Variants in DAB2IP observed in about 807,000 individuals in gnomAD.
DAB2IP encodes disabled homolog 2-interacting protein.
DAB2IP carries 28 observed loss-of-function variants against 107.2 expected under a neutral mutation model. That is an observed-to-expected ratio of 0.26 (90% CI 0.19 to 0.36). The LOEUF is 0.36. Among genes scored for constraint, DAB2IP ranks in the 10% least tolerant of loss-of-function variants. The pLI, the probability that DAB2IP is intolerant of heterozygous loss-of-function variation, is 1.00. For synonymous variants in DAB2IP, 755 were observed against 706.4 expected (o/e 1.07, Z -1.09); for missense variants, 1,400 against 1,644.7 (o/e 0.85, Z 2.57).
At chr9:121,723,827 C>T (rs1053011918) in intron 3 of DAB2IP, among the ~76,000 whole-genome samples, 6 of 152,266 alleles carry the variant, frequency 3.9e-5, no homozygotes, top group Middle Eastern at 3.4e-3. Context: ...TGAGCCCACT[C>T]GGGGTGGAGC....
In DAB2IP at chr9:121,596,579, C is replaced by T. The variant is rs115642455; in HGVS notation, c.40+29351C>T. Among the ~76,000 whole-genome samples the T allele has an allele frequency of 3.7e-3, 570 of 152,228 alleles. 11 individuals are homozygous for T. Among genetic ancestry groups the T allele is most frequent in the African/African-American group, 0.013 (547 of 41,514 alleles). On this transcript the variant is annotated intron_variant, in intron 1 of 16. Transcript: ENST00000259371. ...TGATGTTCTGCAACATGTTCTCCCT[C>T]CCCTTATTTGAGATTTGAGATTCAT...
At chr9:121,665,670 A>G (rs542586996) in intron 1 of DAB2IP, among the ~76,000 whole-genome samples, 3 of 152,360 alleles carry the variant, frequency 2.0e-5, no homozygotes, top group South Asian at 2.1e-4. Flanking sequence ...AAGGTATCCT[A>G]TATTTTTGTG....
chr9:121,762,044 G>C (rs1017183141), intron 6 of DAB2IP, among the ~76,000 whole-genome samples: 1 of 152,156 alleles, frequency 6.6e-6, no homozygotes. Flanking sequence ...GTGGGATTGG[G>C]GAGCAGTAGA....
intron 1 of DAB2IP, among the ~76,000 whole-genome samples, chr9:121,626,795 G>T (rs564119221): frequency 6.6e-6 from 1 of 152,252 alleles, no homozygotes; most frequent in African/African-American, 2.4e-5. Flanking sequence ...AATGACGAAG[G>T]CACAGGAAGA....
intron 3 of DAB2IP, among the ~76,000 whole-genome samples, chr9:121,747,307 C>A (rs141453739): frequency 2.6e-5 from 4 of 151,762 alleles, no homozygotes; most frequent in Non-Finnish European, 5.9e-5. Flanking sequence ...CTGATTTGCC[C>A]ACCACTCACC....
At chr9:121,732,223 A>G (rs1018772493) in intron 3 of DAB2IP, among the ~76,000 whole-genome samples, 1 of 152,226 alleles carries the variant, frequency 6.6e-6, no homozygotes, top group African/African-American at 2.4e-5. Flanking sequence ...CCAAGAAAGA[A>G]AAATGCTGAC....
chr9:121,661,901 G>C (rs1363987380), intron 1 of DAB2IP, among the ~76,000 whole-genome samples: 1 of 151,562 alleles, frequency 6.6e-6, no homozygotes, highest in Non-Finnish European at 1.5e-5. Flanking sequence ...GGATTGCCTG[G>C]GCCAAGGACT....
At chr9:121,737,239 A>T (rs1831995589) in intron 3 of DAB2IP, 1 of 985,218 alleles carries the variant, frequency 1.0e-6, no homozygotes, top group African/African-American at 1.7e-5. Flanking sequence ...GCTGGAAGCG[A>T]TAGTTTGCTT....
At position 121,699,166 on chromosome 9, in the gene DAB2IP, C is replaced by T. The variant is rs1035799250; in HGVS notation, c.229-159C>T. On this transcript the variant is annotated intron_variant, in intron 2 of 15. Transcript: ENST00000408936. The surrounding 1 kb of genome is among the most constrained non-coding windows in gnomAD (Gnocchi z 6.2). ...GGGCCGTCGGCGCTCGGTCGGCGGG[C>T]GGGCGGCGCGGGCCGCGAGCTGCTG... Among the ~76,000 whole-genome samples, 2 of 144,380 alleles carry T rather than the reference C, an allele frequency of 1.4e-5. No individual in the cohort carries two copies. The highest frequency in any genetic ancestry group is 5.0e-5 in the African/African-American group (2 of 40,048). The allele number at this position is 144,380 out of a possible 152,430, so 94.7% of individuals were successfully genotyped here.
intron 3 of DAB2IP, among the ~76,000 whole-genome samples, chr9:121,744,291 G>A (rs931281134): frequency 2.6e-5 from 4 of 152,226 alleles, no homozygotes; most frequent in African/African-American, 9.6e-5. Flanking sequence ...GGGAGACTGG[G>A]AAGACTGTGT....
intron 4 of DAB2IP, 46 bp downstream of exon 4, chr9:121,757,212 G>C: frequency 1.3e-6 from 2 of 1,595,450 alleles, no homozygotes; most frequent in African/African-American, 1.3e-5. Context: ...ATCCTCTCCT[G>C]GCCTGGCTGG....
In DAB2IP at chr9:121,755,684, T is replaced by G. The variant is rs536508593; in HGVS notation, c.363-1329T>G. Among the ~76,000 whole-genome samples the G allele has an allele frequency of 4.0e-4, 61 of 152,346 alleles. 3 individuals are homozygous for G. The South Asian group carries it at 0.012, about 30-fold the overall frequency. ...GGTGGGAGGGTGGCTACTGTCAGCCTGAGTCCCTCTGAGCAGGGCTCTTCC... is the reference window on the plus strand; with the variant it reads ...GGTGGGAGGGTGGCTACTGTCAGCCGGAGTCCCTCTGAGCAGGGCTCTTCC... On this transcript the variant is annotated intron_variant, in intron 3 of 15. Transcript: ENST00000408936.
chr9:121,766,084 T>G (rs1834257094), intron 8 of DAB2IP, among the ~76,000 whole-genome samples: 1 of 152,222 alleles, frequency 6.6e-6, no homozygotes, highest in Non-Finnish European at 1.5e-5. Flanking sequence ...CCCAGATGCC[T>G]GCTGTTTGGG....
At chr9:121,707,586 C>T (rs1423257882) in intron 3 of DAB2IP, among the ~76,000 whole-genome samples, 1 of 152,188 alleles carries the variant, frequency 6.6e-6, no homozygotes, top group Non-Finnish European at 1.5e-5. Context: ...TAAAAGAGTG[C>T]ACTGGGGAGA....
intron 3 of DAB2IP, among the ~76,000 whole-genome samples, chr9:121,744,740 C>G (rs1050360331): frequency 1.3e-5 from 2 of 152,204 alleles, no homozygotes; most frequent in Non-Finnish European, 2.9e-5. Flanking sequence ...GCCTGTGAAT[C>G]GTGACCTCAG....
At chr9:121,611,754 T>A (rs1831104520) in intron 1 of DAB2IP, among the ~76,000 whole-genome samples, 1 of 151,904 alleles carries the variant, frequency 6.6e-6, no homozygotes, top group Non-Finnish European at 1.5e-5. Flanking sequence ...TCAGCTAATT[T>A]TTGTATTTTT....
intron 2 of DAB2IP, among the ~76,000 whole-genome samples, chr9:121,682,837 A>C (rs1828666489): frequency 6.6e-6 from 1 of 152,086 alleles, no homozygotes; most frequent in Non-Finnish European, 1.5e-5. Flanking sequence ...TTTTCTGCCT[A>C]TCTGGGACAA....
At chr9:121,568,994 A>G (rs1001547258) in intron 1 of DAB2IP, among the ~76,000 whole-genome samples, 1 of 152,196 alleles carries the variant, frequency 6.6e-6, no homozygotes, top group African/African-American at 2.4e-5. Flanking sequence ...TAAGGGATTC[A>G]AGAGGAAGAG....
intron 11 of DAB2IP, among the ~76,000 whole-genome samples, chr9:121,771,082 A>G (rs1834689944): frequency 6.6e-6 from 1 of 152,190 alleles, no homozygotes; most frequent in Non-Finnish European, 1.5e-5. Context: ...TGTTAAAAAT[A>G]CACATGTTCC....
Sources: gnomAD v4.1 joint callset for allele counts (sites outside exome capture counted in the v4.1 genomes callset) on GRCh38, gnomAD v4.1.1 for gene constraint, Gnocchi (gnomAD v3.1) non-coding constraint, MANE v1.5 for transcripts, NCBI Gene and HGNC (gene_info 2026-07-23, HGNC 2026-07-21) for gene names.